The following CCDC7 variants were observed in gnomAD, a reference collection of about 807,000 sequenced individuals.
CCDC7 encodes coiled-coil domain containing 7, also known as coiled-coil domain-containing protein 7.
In CCDC7, 183 loss-of-function variants were observed where a neutral mutation model predicts 196.9. That is an observed-to-expected ratio of 0.93 (90% CI 0.82 to 1.05). The LOEUF (loss-of-function observed/expected upper bound fraction) is 1.05. Among genes scored for constraint, CCDC7 ranks in the 50% least tolerant of loss-of-function variants. The pLI, the probability that CCDC7 is intolerant of heterozygous loss-of-function variation, is 0.00. For missense variants in CCDC7, 1,540 were observed against 1,482.2 expected (o/e 1.04, Z -0.64); for synonymous variants, 525 against 484.6 (o/e 1.08, Z -1.10).
chr10:32,866,668 GA>G (rs2094208805), intron 41 of CCDC7, among the ~76,000 whole-genome samples: 1 of 151,380 alleles, frequency 6.6e-6, no homozygotes, highest in South Asian at 2.1e-4. Context: ...GAAGCAGAGG[GA>G]GGAAAAAGGA....
At chr10:32,854,160 C>A (rs1321891363) in intron 40 of CCDC7, among the ~76,000 whole-genome samples, 1 of 152,002 alleles carries the variant, frequency 6.6e-6, no homozygotes, top group East Asian at 1.9e-4. Context: ...TGTTAATTTG[C>A]TTTAGTCTTT....
At chr10:32,759,175 A>G (rs1565419646) in intron 28 of CCDC7, among the ~76,000 whole-genome samples, 3 of 152,164 alleles carry the variant, frequency 2.0e-5, no homozygotes, top group African/African-American at 7.2e-5. Context: ...TGCCCAAGGT[A>G]ATTTATAGAT....
chr10:32,625,205 C>G (rs367945148), intron 18 of CCDC7, among the ~76,000 whole-genome samples: 60 of 151,002 alleles, frequency 4.0e-4, no homozygotes, highest in African/African-American at 1.4e-3. Flanking sequence ...AAATAAGTGT[C>G]CAATTTTATT....
chr10:32,518,289 T>G, intron 10 of CCDC7, 127 bp from the exon 12 acceptor site: 1 of 1,058,500 alleles, frequency 9.4e-7, no homozygotes, highest in Non-Finnish European at 1.3e-6. Context: ...CTCTACAGAC[T>G]GATATCAATG....
chr10:32,558,410 A>G (rs1034888890), intron 13 of CCDC7, among the ~76,000 whole-genome samples: 1 of 152,074 alleles, frequency 6.6e-6, no homozygotes, highest in Admixed American at 6.5e-5. Flanking sequence ...TATGTAGTTC[A>G]GGGGTCAGGT....
chr10:32,604,106 A>G (rs1215624002), intron 18 of CCDC7, among the ~76,000 whole-genome samples: 2 of 152,006 alleles, frequency 1.3e-5, no homozygotes, highest in African/African-American at 2.4e-5. Flanking sequence ...CCTTTAATGT[A>G]TTTTGCATTG....
intron 11 of CCDC7, among the ~76,000 whole-genome samples, chr10:32,528,612 C>T (rs2049037685): frequency 1.3e-5 from 2 of 149,750 alleles, no homozygotes; most frequent in South Asian, 2.1e-4. Flanking sequence ...AGTAGTATTC[C>T]ATGGTATTCC....
intron 26 of CCDC7, 66 bp downstream of exon 27, chr10:32,726,898 C>G (rs1462295643): frequency 5.2e-6 from 5 of 954,458 alleles, no homozygotes; most frequent in Non-Finnish European, 6.1e-6. Flanking sequence ...AGATCTTTGC[C>G]TTTGATTCCT....
At chr10:32,825,306 A>T (rs1254809399) in intron 32 of CCDC7, among the ~76,000 whole-genome samples, 2 of 152,102 alleles carry the variant, frequency 1.3e-5, no homozygotes. Flanking sequence ...TTGCCAAAAG[A>T]GATTAACATT....
chr10:32,521,097 A>G (rs28753068), intron 11 of CCDC7, among the ~76,000 whole-genome samples: 7,860 of 152,102 alleles, frequency 0.052, 662 homozygotes, highest in African/African-American at 0.18. Context: ...TTTTGCAACT[A>G]CCATGCTGTT....
intron 20 of CCDC7, among the ~76,000 whole-genome samples, chr10:32,642,439 C>A (rs902607230): frequency 2.0e-5 from 3 of 152,210 alleles, no homozygotes; most frequent in Non-Finnish European, 4.4e-5. Flanking sequence ...GGGCGTAGGA[C>A]CCTCCGAGCC....
At chr10:32,845,659 T>C (rs769458155) in intron 35 of CCDC7, 33 bp downstream of exon 36, 1 of 1,542,156 alleles carries the variant, frequency 6.5e-7, no homozygotes, top group Non-Finnish European at 8.9e-7. Flanking sequence ...CTAATATTTA[T>C]GGTTTATTTA....
At chr10:32,607,111 A>G (rs1246621978) in intron 18 of CCDC7, among the ~76,000 whole-genome samples, 1 of 152,064 alleles carries the variant, frequency 6.6e-6, no homozygotes, top group Middle Eastern at 3.2e-3. Context: ...GTTTAAAAGT[A>G]TGTGGCATCT....
intron 18 of CCDC7, among the ~76,000 whole-genome samples, chr10:32,610,344 T>C (rs1416973994): frequency 1.3e-5 from 2 of 152,196 alleles, no homozygotes; most frequent in African/African-American, 4.8e-5. Flanking sequence ...GACCTCATGA[T>C]CTGCCTGCCT....
rs376375503 is a variant in CCDC7 at position 32,807,976 on chromosome 10, C to A, written c.3097+2878C>A. ...GCCCAACATCCCTACATCGTAGAGCCCCACTGACATCCCCCTGCATCTATG... is the reference window on the plus strand; with the variant it reads ...GCCCAACATCCCTACATCGTAGAGCACCACTGACATCCCCCTGCATCTATG... On this transcript the variant is annotated intron_variant, in intron 30 of 41. Coordinates refer to ENST00000639629, the Ensembl canonical transcript of CCDC7. Among the ~76,000 whole-genome samples the A allele has an allele frequency of 2.6e-5, 4 of 152,202 alleles. No homozygotes were observed. In the South Asian group the frequency reaches 6.2e-4, roughly 24 times the overall value.
intron 29 of CCDC7, among the ~76,000 whole-genome samples, chr10:32,803,198 G>C (rs1455061210): frequency 1.3e-5 from 2 of 152,250 alleles, no homozygotes; most frequent in African/African-American, 4.8e-5. Context: ...AAGGCGAAGT[G>C]ATGAGAATGT....
At chr10:32,731,838 G>A (rs1403125084) in intron 28 of CCDC7, among the ~76,000 whole-genome samples, 1 of 152,196 alleles carries the variant, frequency 6.6e-6, no homozygotes, top group East Asian at 1.9e-4. Flanking sequence ...CTGATCACAA[G>A]TTCAGGAGAT....
At chr10:32,694,941 G>A (rs1490187522) in exon 24 of CCDC7, 1 of 1,606,300 alleles carries the variant, frequency 6.2e-7, no homozygotes, top group Non-Finnish European at 8.5e-7. Context: ...GTCAAAACTG[G>A]AAATGCAAAT....
intron 33 of CCDC7, among the ~76,000 whole-genome samples, chr10:32,844,418 A>G (rs938872169): frequency 2.6e-5 from 4 of 151,968 alleles, no homozygotes; most frequent in African/African-American, 9.6e-5. Flanking sequence ...CTTGATTTAT[A>G]GTTACAAATC....
Sources: allele counts gnomAD v4.1 joint callset (sites outside exome capture counted in the v4.1 genomes callset), GRCh38; gene constraint gnomAD v4.1.1; transcripts MANE v1.5; gene names NCBI Gene and HGNC (gene_info 2026-07-23, HGNC 2026-07-21).